Variants in PREX1 observed in about 807,000 individuals in gnomAD.
The protein encoded by PREX1 is phosphatidylinositol-3,4,5-trisphosphate dependent Rac exchange factor 1.
Under a neutral mutation model 198.3 loss-of-function variants are expected in PREX1, and 41 were observed. That is an observed-to-expected ratio of 0.21 (90% CI 0.16 to 0.27). The LOEUF (loss-of-function observed/expected upper bound fraction) is 0.27. Among genes scored for constraint, PREX1 ranks in the 10% least tolerant of loss-of-function variants. PREX1 has a pLI of 1.00. For synonymous variants in PREX1, 843 were observed against 887.2 expected (o/e 0.95, Z 0.89); for missense variants, 1,620 against 2,200.7 (o/e 0.74, Z 5.28).
At chr20:48,659,233 A>AAAGGAAGGAGGGAAGG (rs2089570193) in intron 16 of PREX1, among the ~76,000 whole-genome samples, 1 of 98,844 alleles carries the variant, frequency 1.0e-5, no homozygotes, top group African/African-American at 3.3e-5. Flanking sequence ...GAGAGAAAGA[A>AAAGGAAGGAGGGAAGG]AAGGAAGGAA....
chr20:48,818,068 G>A (rs1319351602), intron 1 of PREX1, among the ~76,000 whole-genome samples: 1 of 152,234 alleles, frequency 6.6e-6, no homozygotes, highest in East Asian at 1.9e-4. Context: ...AAGGCCTGAA[G>A]GAGGTGGAGG....
At chr20:48,693,692 C>T (rs997913270) in intron 7 of PREX1, among the ~76,000 whole-genome samples, 11 of 152,100 alleles carry the variant, frequency 7.2e-5, no homozygotes, top group Admixed American at 1.3e-4. Flanking sequence ...CTGCAACCTC[C>T]GCCTGCTGGG....
intron 4 of PREX1, among the ~76,000 whole-genome samples, chr20:48,728,555 C>T (rs1031112033): frequency 1.3e-5 from 2 of 152,216 alleles, no homozygotes; most frequent in African/African-American, 4.8e-5. Context: ...ATTGAGGCTG[C>T]GGCAGCTGGG....
chr20:48,683,034 T>C (rs2089762250), intron 10 of PREX1, among the ~76,000 whole-genome samples: 1 of 152,268 alleles, frequency 6.6e-6, no homozygotes, highest in African/African-American at 2.4e-5. Flanking sequence ...GCAGAAGAAA[T>C]GCATCTGCTT....
In PREX1 at chr20:48,666,335, C is replaced by T; in HGVS notation, c.1686G>A (p.Glu562=). 6 of 1,565,956 alleles carry T rather than the reference C, an allele frequency of 3.8e-6. No homozygotes were observed. The highest frequency in any genetic ancestry group is 5.2e-6 in the Non-Finnish European group (6 of 1,155,764). ...LLAQGDCQTR[E]EAVALGVGLC... Reference sequence around the variant, plus strand: ...GACCCACGCCGAGCGCCACTGCCTCCTCCCGAGTCTGGCAGTCTCCCTGGA... The same window carrying T: ...GACCCACGCCGAGCGCCACTGCCTCTTCCCGAGTCTGGCAGTCTCCCTGGA... The change falls in exon 15 of 40, where the codon GAG becomes GAA. Residue 562 remains glutamate, a synonymous_variant. Transcript: ENST00000371941. The surrounding 1 kb of genome is among the most constrained non-coding windows in gnomAD (Gnocchi z 4.3).
intron 1 of PREX1, among the ~76,000 whole-genome samples, chr20:48,784,160 C>T (rs1232580920): frequency 6.6e-6 from 1 of 152,282 alleles, no homozygotes; most frequent in East Asian, 1.9e-4. Context: ...TCCAAAGGAA[C>T]TTTTCTGACC....
At chr20:48,724,024 A>G (rs1266043960) in intron 5 of PREX1, among the ~76,000 whole-genome samples, 1 of 152,196 alleles carries the variant, frequency 6.6e-6, no homozygotes, top group Non-Finnish European at 1.5e-5. Flanking sequence ...CGCAGAGAAG[A>G]AGGACACTGG....
the PREX1 span, among the ~76,000 whole-genome samples, chr20:48,866,541 C>T: frequency 6.6e-6 from 1 of 152,186 alleles, no homozygotes; most frequent in Non-Finnish European, 1.5e-5. Context: ...CAAAGTTTCT[C>T]AGTTTTTTGA....
intron 15 of PREX1, among the ~76,000 whole-genome samples, chr20:48,661,757 G>A (rs933646456): frequency 1.3e-4 from 19 of 151,734 alleles, no homozygotes; most frequent in Non-Finnish European, 1.9e-4. Flanking sequence ...CATAGACGGG[G>A]AGACTAAGAC....
At chr20:48,794,152 G>A (rs2090350279) in intron 1 of PREX1, among the ~76,000 whole-genome samples, 1 of 152,158 alleles carries the variant, frequency 6.6e-6, no homozygotes, top group African/African-American at 2.4e-5. Context: ...ACTGGGAGCT[G>A]CAAACGAGCC....
At chr20:48,820,504 G>A (rs2123074590) in intron 1 of PREX1, among the ~76,000 whole-genome samples, 1 of 152,312 alleles carries the variant, frequency 6.6e-6, no homozygotes, top group East Asian at 1.9e-4. Flanking sequence ...GGTGAAAAGG[G>A]CAAACCGTAT....
intron 4 of PREX1, among the ~76,000 whole-genome samples, chr20:48,733,037 C>A (rs2090041601): frequency 6.6e-6 from 1 of 152,220 alleles, no homozygotes; most frequent in African/African-American, 2.4e-5. Flanking sequence ...CCACCTTGTT[C>A]AAACCACTGT....
chr20:48,847,364 T>TAAAAAAAAAAAAAAAAAAAA, the PREX1 span, among the ~76,000 whole-genome samples: 77 of 77,178 alleles, frequency 1.0e-3, 2 homozygotes, highest in Non-Finnish European at 1.4e-3. Context: ...CCTTCTCTTA[T>TAAAAAAAAAAAAAAAAAAAA]AAAAAAAAAA....
chr20:48,845,749 T>G, the PREX1 span, among the ~76,000 whole-genome samples: 1 of 146,832 alleles, frequency 6.8e-6, no homozygotes, highest in African/African-American at 2.5e-5. Context: ...AAATAGCAAG[T>G]GCAAAGGCCC....
chr20:48,861,547 G>T, the PREX1 span, among the ~76,000 whole-genome samples: 1 of 152,202 alleles, frequency 6.6e-6, no homozygotes, highest in African/African-American at 2.4e-5. Flanking sequence ...AAACTTCCCT[G>T]CCAGGACCTT....
At position 48,712,259 on chromosome 20, in the gene PREX1, C is replaced by G. The variant is rs1239927190; in HGVS notation, c.622-3838G>C. Reference sequence around the variant, plus strand: ...ACAGATGAGAAAGTTGAGGCTCACACAGAGGCAAGGTCCCCTACCCAAGGG... The same window carrying G: ...ACAGATGAGAAAGTTGAGGCTCACAGAGAGGCAAGGTCCCCTACCCAAGGG... On this transcript the variant is annotated intron_variant, in intron 5 of 39. Coordinates refer to ENST00000371941, the MANE Select transcript of PREX1 (RefSeq NM_020820.4). Among the ~76,000 whole-genome samples the G allele has an allele frequency of 6.6e-5, 10 of 152,326 alleles. 1 individual carries two copies. The highest frequency in any genetic ancestry group is 1.7e-4 in the African/African-American group (7 of 41,580).
chr20:48,637,945 G>A (rs2089378043), intron 30 of PREX1, among the ~76,000 whole-genome samples, 193 bp from the exon 31 acceptor site: 1 of 152,150 alleles, frequency 6.6e-6, no homozygotes, highest in Non-Finnish European at 1.5e-5. Context: ...CTGACCTCAG[G>A]CAGTGGAACC....
intron 1 of PREX1, among the ~76,000 whole-genome samples, chr20:48,791,580 C>T (rs2090339110): frequency 6.6e-6 from 1 of 152,140 alleles, no homozygotes; most frequent in Non-Finnish European, 1.5e-5. Context: ...CTCAACAAGC[C>T]CACCGTCCCA....
chr20:48,782,671 A>C (rs1014730137), intron 1 of PREX1, among the ~76,000 whole-genome samples: 2 of 152,162 alleles, frequency 1.3e-5, no homozygotes, highest in African/African-American at 4.8e-5. Flanking sequence ...CAGAACTGAA[A>C]GCATGATGAG....
Sources: allele counts gnomAD v4.1 joint callset (sites outside exome capture counted in the v4.1 genomes callset), GRCh38; gene constraint gnomAD v4.1.1; non-coding constraint Gnocchi (gnomAD v3.1); transcripts MANE v1.5; gene names NCBI Gene and HGNC (gene_info 2026-07-23, HGNC 2026-07-21).